The following EPC2 variants were observed in gnomAD, a reference collection of about 807,000 sequenced individuals.
The protein encoded by EPC2 is enhancer of polycomb 2, also known as enhancer of polycomb homolog 2.
Under a neutral mutation model 92.1 loss-of-function variants are expected in EPC2, and 14 were observed. The observed-to-expected ratio is 0.15, with a 90% CI of 0.10 to 0.24. The LOEUF (loss-of-function observed/expected upper bound fraction) is 0.24, where lower values mean the gene tolerates loss of function less well. Ranked by LOEUF, EPC2 falls within the 10% of genes least tolerant of loss-of-function variation. The pLI is 1.00. For synonymous variants in EPC2, 340 were observed against 334.7 expected, an observed-to-expected ratio of 1.02 and a Z score of -0.17; for missense variants, 755 against 971.5, an observed-to-expected ratio of 0.78 and a Z score of 2.96.
At chr2:148,764,911 A>ATT (rs768948837) in intron 6 of EPC2, 44 bp from the exon 7 acceptor site, 2 of 1,333,572 alleles carry the variant, frequency 1.5e-6, no homozygotes, top group Admixed American at 3.2e-5. Context: ...TTCTAAAATG[A>ATT]TTTTTATTTC....
At chr2:148,691,803 T>C (rs1309016218) in intron 2 of EPC2, 1 of 702,310 alleles carries the variant, frequency 1.4e-6, no homozygotes, top group Admixed American at 2.0e-5. Flanking sequence ...TACAAAATTC[T>C]TTGCTTTCCC....
intron 1 of EPC2, among the ~76,000 whole-genome samples, chr2:148,685,786 A>AG (rs1681507005): frequency 6.6e-6 from 1 of 152,240 alleles, no homozygotes; most frequent in Admixed American, 6.5e-5. Context: ...AAATAAAAAA[A>AG]TAAAAGTTAT....
At chr2:148,715,178 C>T (rs1486167410) in intron 2 of EPC2, among the ~76,000 whole-genome samples, 2 of 151,976 alleles carry the variant, frequency 1.3e-5, no homozygotes, top group Non-Finnish European at 2.9e-5. Flanking sequence ...GGACTACAGG[C>T]ACGTGCCACC....
chr2:148,650,773 G>A (rs898213040), intron 1 of EPC2, among the ~76,000 whole-genome samples: 12 of 152,072 alleles, frequency 7.9e-5, no homozygotes, highest in Non-Finnish European at 1.3e-4. Context: ...TTTGTAAGTT[G>A]ATACTGTAAA....
chr2:148,712,445 A>G (rs114303298), intron 2 of EPC2, among the ~76,000 whole-genome samples: 3,826 of 152,278 alleles, frequency 0.025, 54 homozygotes, highest in East Asian at 0.032. Context: ...TGTGCCACAT[A>G]ATGTTTTGAT....
chr2:148,698,928 C>T (rs1465777008), intron 2 of EPC2, among the ~76,000 whole-genome samples: 2 of 149,954 alleles, frequency 1.3e-5, no homozygotes, highest in African/African-American at 4.9e-5. Context: ...AGCATTTTTC[C>T]ATTGTAATCA....
Position 148,761,941 on chromosome 2 carries a change from T to C in EPC2, c.815+11T>C, listed in dbSNP as rs1683306806. Reference sequence around the variant, plus strand: ...AGTTGTGGAGAAAAGGTAACATTGCTCCTGTTACAACAGTAAAATGACAAC... The same window carrying C: ...AGTTGTGGAGAAAAGGTAACATTGCCCCTGTTACAACAGTAAAATGACAAC... On this transcript the variant is annotated intron_variant, in intron 5 of 13. Coordinates refer to ENST00000258484, the MANE Select transcript of EPC2 (RefSeq NM_015630.4). 3 of 1,573,508 alleles carry C rather than the reference T, an allele frequency of 1.9e-6. No homozygotes were observed. Among genetic ancestry groups the C allele is most frequent in the African/African-American group, 1.4e-5 (1 of 72,288 alleles).
At chr2:148,776,085 T>C (rs900938387) in intron 10 of EPC2, among the ~76,000 whole-genome samples, 2 of 151,898 alleles carry the variant, frequency 1.3e-5, no homozygotes, top group African/African-American at 4.8e-5. Context: ...CCGGCCAATA[T>C]GACTAATTTC....
Position 148,770,813 on chromosome 2 carries a change from CATT to C in EPC2, c.1253_1255del (p.His418_Ser419delinsPro), listed in dbSNP as rs1451947747. 1 of 1,612,726 alleles carries C rather than the reference CATT, an allele frequency of 6.2e-7. No homozygotes were observed. The highest frequency in any genetic ancestry group is 2.2e-5 in the East Asian group (1 of 44,838). ...GCAGCCTCGTTTGGACCAAGCTAAC[CATT>C]CATGTGAAAATTCAGAATTGGCAGA... is the stretch of plus-strand genomic sequence containing the variant. On this transcript the variant is annotated inframe_deletion, in exon 9 of 14. Coordinates refer to ENST00000258484, the MANE Select transcript of EPC2 (RefSeq NM_015630.4).
chr2:148,750,849 A>G lies in EPC2; in HGVS notation c.460-3078A>G, dbSNP rs556040629. ...TAGGCTGTTACACAAATAATAAGCC[A>G]TAGATTTGAAAGAAGTAAAGTTAAA... On this transcript the variant is annotated intron_variant, in intron 3 of 13. Coordinates refer to ENST00000258484, the MANE Select transcript of EPC2 (RefSeq NM_015630.4). 5.9e-5 allele frequency among the ~76,000 whole-genome samples: 9 copies of G among 152,264 alleles called. No homozygotes were observed. The South Asian group carries it at 1.9e-3, about 32-fold the overall frequency.
chr2:148,730,488 C>T (rs1416202441), intron 2 of EPC2, among the ~76,000 whole-genome samples: 2 of 152,152 alleles, frequency 1.3e-5, no homozygotes, highest in East Asian at 3.8e-4. Context: ...TAAACATGGT[C>T]CAACATCACT....
chr2:148,760,507 C>A (rs1275163138), intron 4 of EPC2, among the ~76,000 whole-genome samples: 3 of 152,124 alleles, frequency 2.0e-5, no homozygotes, highest in African/African-American at 7.2e-5. Context: ...TGTGCAATAC[C>A]CTGCACAGTG....
intron 2 of EPC2, among the ~76,000 whole-genome samples, chr2:148,694,616 CTT>C (rs554487919): frequency 6.6e-6 from 1 of 152,216 alleles, no homozygotes; most frequent in African/African-American, 2.4e-5. Flanking sequence ...AGTACCCAAA[CTT>C]TTCTCTTTAA....
chr2:148,698,865 G>A (rs1185678225), intron 2 of EPC2, among the ~76,000 whole-genome samples: 1 of 145,276 alleles, frequency 6.9e-6, no homozygotes, highest in African/African-American at 2.5e-5. Flanking sequence ...TATACTCTGT[G>A]TATGTGTGTA....
intron 1 of EPC2, among the ~76,000 whole-genome samples, chr2:148,688,388 C>T (rs1433165696): frequency 6.6e-6 from 1 of 151,766 alleles, no homozygotes; most frequent in African/African-American, 2.4e-5. Flanking sequence ...GGAAGGGGAA[C>T]ATCACACACA....
chr2:148,659,280 C>T lies in EPC2; in HGVS notation c.153+14110C>T, dbSNP rs146018630. 4.1e-3 allele frequency among the ~76,000 whole-genome samples: 631 copies of T among 152,150 alleles called. 3 individuals carry two copies. Among genetic ancestry groups the T allele is most frequent in the African/African-American group, 0.015 (610 of 41,512 alleles). ...TTTCATATGGATGTTTACCACTTCC[C>T]TTCCAGAGAATCATCAGACCTAGAG... On this transcript the variant is annotated intron_variant, in intron 1 of 13. Transcript: ENST00000258484.
rs1246294319 is a variant in EPC2, at chr2:148,765,050, A to T, written c.1044A>T (p.Thr348=). The T allele has an allele frequency of 6.2e-7, 1 of 1,610,410 alleles. No individual in the cohort carries two copies. Among genetic ancestry groups the T allele is most frequent in the Middle Eastern group, 1.7e-4 (1 of 6,048 alleles). The change falls in exon 7 of 14, where the codon ACA becomes ACT. Residue 348 remains threonine, a synonymous_variant. Coordinates refer to ENST00000258484, the MANE Select transcript of EPC2 (RefSeq NM_015630.4). ...PKKPKAEALI[T]SQQPTPETLP... ...AGCCTAAAGCAGAGGCTTTGATAAC[A>T]TCTCAGCAACCCACTCCTGAGACAT...
At chr2:148,653,951 T>G (rs1388225454) in intron 1 of EPC2, among the ~76,000 whole-genome samples, 6 of 92,904 alleles carry the variant, frequency 6.5e-5, no homozygotes, top group Admixed American at 2.9e-4. Context: ...TTTTTTTTTG[T>G]TTTTTTTTTT....
At chr2:148,714,453 G>T (rs1026518827) in intron 2 of EPC2, among the ~76,000 whole-genome samples, 6 of 152,108 alleles carry the variant, frequency 3.9e-5, no homozygotes, top group Non-Finnish European at 8.8e-5. Flanking sequence ...GAGTCAAATG[G>T]TATTTCTGCC....
Sources: gnomAD v4.1 joint callset for allele counts (sites outside exome capture counted in the v4.1 genomes callset) on GRCh38, gnomAD v4.1.1 for gene constraint, MANE v1.5 for transcripts, NCBI Gene and HGNC (gene_info 2026-07-23, HGNC 2026-07-21) for gene names.